PCDH9: variants seen among roughly 807,000 people sequenced by gnomAD.
PCDH9 encodes the protein protocadherin 9.
A neutral mutation model predicts 70.6 loss-of-function variants in PCDH9; 24 were observed. The observed-to-expected ratio is 0.34, with a 90% CI of 0.25 to 0.48. The LOEUF is 0.48. Among genes scored for constraint, PCDH9 ranks in the 20% least tolerant of loss-of-function variants. The pLI is 0.99. For synonymous variants in PCDH9, 562 were observed against 558.5 expected, an observed-to-expected ratio of 1.01 and a Z score of -0.09; for missense variants, 1,281 against 1,503.6, an observed-to-expected ratio of 0.85 and a Z score of 2.45.
intron 3 of PCDH9, among the ~76,000 whole-genome samples, chr13:66,874,935 G>GTT (rs1281419326): frequency 7.2e-6 from 1 of 139,722 alleles, no homozygotes; most frequent in Non-Finnish European, 1.6e-5. Flanking sequence ...GTGTGTGTGT[G>GTT]TGTGTGTGAG....
At chr13:66,616,122 C>T (rs918159253) in intron 4 of PCDH9, among the ~76,000 whole-genome samples, 4 of 152,166 alleles carry the variant, frequency 2.6e-5, no homozygotes, top group African/African-American at 9.7e-5. Context: ...GACCTGTGGT[C>T]AGTAAAGGAT....
intron 4 of PCDH9, among the ~76,000 whole-genome samples, chr13:66,580,321 G>T (rs2076873187): frequency 6.6e-6 from 1 of 151,858 alleles, no homozygotes; most frequent in Non-Finnish European, 1.5e-5. Flanking sequence ...TTACTAGGTT[G>T]TTTGAGGCCT....
chr13:66,739,707 C>T (rs1250787348), intron 3 of PCDH9, among the ~76,000 whole-genome samples: 1 of 151,666 alleles, frequency 6.6e-6, no homozygotes, highest in Non-Finnish European at 1.5e-5. Context: ...TCTGATAAAA[C>T]AGACTTTAAA....
intron 4 of PCDH9, among the ~76,000 whole-genome samples, chr13:66,339,194 A>C (rs1956085811): frequency 6.6e-6 from 1 of 152,118 alleles, no homozygotes; most frequent in Non-Finnish European, 1.5e-5. Context: ...CAAACCTAGT[A>C]AGGTATTCAT....
intron 3 of PCDH9, among the ~76,000 whole-genome samples, chr13:66,894,457 T>A (rs1041669292): frequency 2.6e-5 from 4 of 152,192 alleles, no homozygotes; most frequent in African/African-American, 7.2e-5. Context: ...GTTAGCTGCA[T>A]AATTTTTTTT....
intron 2 of PCDH9, among the ~76,000 whole-genome samples, chr13:67,142,959 A>T (rs2087432774): frequency 6.6e-6 from 1 of 152,110 alleles, no homozygotes; most frequent in African/African-American, 2.4e-5. Flanking sequence ...CAGTGAGCCG[A>T]GATTGCACCA....
intron 3 of PCDH9, among the ~76,000 whole-genome samples, chr13:66,901,555 T>G (rs181642561): frequency 2.1e-4 from 32 of 151,906 alleles, no homozygotes; most frequent in Non-Finnish European, 1.2e-4. Flanking sequence ...TTTGTCTTCT[T>G]TGTTTATAAA....
At chr13:67,158,955 C>A (rs1016470720) in intron 2 of PCDH9, among the ~76,000 whole-genome samples, 16 of 152,146 alleles carry the variant, frequency 1.1e-4, no homozygotes, top group African/African-American at 3.1e-4. Context: ...TAGACTAAAG[C>A]ACTATCAAAC....
At chr13:67,010,132 T>A (rs2084425771) in intron 2 of PCDH9, among the ~76,000 whole-genome samples, 1 of 151,980 alleles carries the variant, frequency 6.6e-6, no homozygotes, top group Non-Finnish European at 1.5e-5. Flanking sequence ...TGCTAAGAGG[T>A]TTACACATAT....
chr13:66,743,761 C>T (rs912402256), intron 3 of PCDH9, among the ~76,000 whole-genome samples: 1 of 151,828 alleles, frequency 6.6e-6, no homozygotes, highest in African/African-American at 2.4e-5. Context: ...TAAATACATA[C>T]AATTTTAGTC....
intron 3 of PCDH9, among the ~76,000 whole-genome samples, chr13:66,792,478 C>G (rs977418464): frequency 6.6e-6 from 1 of 151,836 alleles, no homozygotes; most frequent in Non-Finnish European, 1.5e-5. Flanking sequence ...GAGACCACCC[C>G]GACCAACATG....
At chr13:66,912,558 A>C (rs1484377782) in intron 2 of PCDH9, among the ~76,000 whole-genome samples, 2 of 151,922 alleles carry the variant, frequency 1.3e-5, no homozygotes, top group African/African-American at 4.8e-5. Context: ...TTATGAATAC[A>C]TGTTTTATGT....
intron 4 of PCDH9, among the ~76,000 whole-genome samples, chr13:66,401,189 A>C (rs1957179091): frequency 6.6e-6 from 1 of 152,054 alleles, no homozygotes; most frequent in Non-Finnish European, 1.5e-5. Context: ...GTGTGTCCCC[A>C]CCCAAATCTC....
At chr13:66,647,823 A>C (rs534558187) in intron 3 of PCDH9, among the ~76,000 whole-genome samples, 1 of 152,006 alleles carries the variant, frequency 6.6e-6, no homozygotes, top group East Asian at 2.0e-4. Flanking sequence ...AGGGGAGCCC[A>C]TTGCCTTGAA....
At chr13:66,551,269 T>C (rs978778591) in intron 4 of PCDH9, among the ~76,000 whole-genome samples, 17 of 152,156 alleles carry the variant, frequency 1.1e-4, no homozygotes, top group African/African-American at 4.1e-4. Context: ...GCTAGATTGT[T>C]ATTTTTTATA....
intron 4 of PCDH9, among the ~76,000 whole-genome samples, chr13:66,539,816 T>C (rs1335645416): frequency 6.6e-6 from 1 of 151,746 alleles, no homozygotes; most frequent in Non-Finnish European, 1.5e-5. Flanking sequence ...CCCAAAATAA[T>C]ATCCATATTT....
At chr13:66,443,751 A>T (rs191445335) in intron 4 of PCDH9, among the ~76,000 whole-genome samples, 1 of 152,176 alleles carries the variant, frequency 6.6e-6, no homozygotes, top group Admixed American at 6.6e-5. Flanking sequence ...AAATATATAG[A>T]TAAAGATAAG....
intron 4 of PCDH9, among the ~76,000 whole-genome samples, chr13:66,540,622 T>G (rs1031493379): frequency 6.6e-6 from 1 of 152,176 alleles, no homozygotes; most frequent in Non-Finnish European, 1.5e-5. Flanking sequence ...CTTTGCATAC[T>G]TTTCTTTCTG....
intron 2 of PCDH9, among the ~76,000 whole-genome samples, chr13:67,014,262 C>T (rs1407036256): frequency 1.3e-5 from 2 of 151,998 alleles, no homozygotes; most frequent in South Asian, 4.1e-4. Context: ...ATATTGATGC[C>T]CTTTGTAGAA....
Sources: gnomAD v4.1 joint callset for allele counts (sites outside exome capture counted in the v4.1 genomes callset) on GRCh38, gnomAD v4.1.1 for gene constraint, MANE v1.5 for transcripts, NCBI Gene and HGNC (gene_info 2026-07-23, HGNC 2026-07-21) for gene names.